The following OSBPL9 variants were observed in gnomAD, a reference collection of about 807,000 sequenced individuals.
OSBPL9 encodes the protein oxysterol-binding protein-related protein 9.
A neutral mutation model predicts 106.6 loss-of-function variants in OSBPL9; 40 were observed. That is an observed-to-expected ratio of 0.38 (90% CI 0.29 to 0.49). The LOEUF (loss-of-function observed/expected upper bound fraction) is 0.49, where lower values mean the gene tolerates loss of function less well. OSBPL9 is among the 20% of genes least tolerant of loss of function. The pLI is 0.97. For synonymous variants in OSBPL9, 269 were observed against 295.4 expected, an observed-to-expected ratio of 0.91 and a Z score of 0.92; for missense variants, 609 against 887.2, an observed-to-expected ratio of 0.69 and a Z score of 3.98.
intron 1 of OSBPL9, among the ~76,000 whole-genome samples, chr1:51,587,318 T>TA (rs1406359372): frequency 6.6e-6 from 1 of 152,138 alleles, no homozygotes; most frequent in African/African-American, 2.4e-5. Flanking sequence ...TGAGCTGAGA[T>TA]CGTGCCACTG....
chr1:51,544,202 GAGA>G, the OSBPL9 span, among the ~76,000 whole-genome samples: 1 of 152,138 alleles, frequency 6.6e-6, no homozygotes, highest in Non-Finnish European at 1.5e-5. Context: ...TTTCATATGA[GAGA>G]AGATGTGAAG....
chr1:51,614,640 ATATT>A (rs957185676), upstream of OSBPL9, among the ~76,000 whole-genome samples: 6 of 151,874 alleles, frequency 4.0e-5, no homozygotes, highest in South Asian at 4.1e-4. Flanking sequence ...CTAAGAACTA[ATATT>A]TATTTATTTA....
At chr1:51,631,916 C>G (rs1204274204) in intron 1 of OSBPL9, among the ~76,000 whole-genome samples, 1 of 152,122 alleles carries the variant, frequency 6.6e-6, no homozygotes, top group Non-Finnish European at 1.5e-5. Context: ...AAAACATTAG[C>G]AGAGGTCTAC....
the OSBPL9 span, among the ~76,000 whole-genome samples, chr1:51,556,628 T>C: frequency 6.6e-6 from 1 of 151,802 alleles, no homozygotes; most frequent in Admixed American, 6.6e-5. Context: ...CTGCTAAAAA[T>C]ACAAAAAATT....
At chr1:51,559,444 C>T in the OSBPL9 span, among the ~76,000 whole-genome samples, 1 of 89,024 alleles carries the variant, frequency 1.1e-5, no homozygotes, top group Non-Finnish European at 3.1e-5. Flanking sequence ...CATACATACA[C>T]ACACACACAC....
At chr1:51,670,936 C>T (rs1649719067) in intron 3 of OSBPL9, among the ~76,000 whole-genome samples, 2 of 152,194 alleles carry the variant, frequency 1.3e-5, no homozygotes, top group Admixed American at 6.5e-5. Context: ...CTCTTCTCTG[C>T]AGTTACTAAG....
chr1:51,756,459 A>G (rs190198471), intron 9 of OSBPL9, 101 bp downstream of exon 9: 14 of 1,097,816 alleles, frequency 1.3e-5, no homozygotes, highest in Admixed American at 8.3e-5. Context: ...TTCAATGCCA[A>G]CTACTCACTG....
chr1:51,744,295 TAGG>T (rs1204834563), intron 4 of OSBPL9, among the ~76,000 whole-genome samples: 1 of 152,122 alleles, frequency 6.6e-6, no homozygotes, highest in East Asian at 1.9e-4. Flanking sequence ...GTACTAATAA[TAGG>T]AGGAGGAGGA....
At chr1:51,676,907 A>G (rs1651386022) in intron 3 of OSBPL9, among the ~76,000 whole-genome samples, 1 of 152,236 alleles carries the variant, frequency 6.6e-6, no homozygotes, top group Admixed American at 6.5e-5. Context: ...GGTAAAAACT[A>G]CTATTGCTAC....
intron 4 of OSBPL9, among the ~76,000 whole-genome samples, chr1:51,739,792 C>G (rs1666488875): frequency 6.6e-6 from 1 of 151,894 alleles, no homozygotes; most frequent in South Asian, 2.1e-4. Context: ...TAAATGTTTC[C>G]AAATTTTCAG....
intron 3 of OSBPL9, among the ~76,000 whole-genome samples, chr1:51,677,255 G>A (rs1408758641): frequency 6.6e-6 from 1 of 152,198 alleles, no homozygotes; most frequent in Non-Finnish European, 1.5e-5. Flanking sequence ...GAGAACCACA[G>A]GTCTGGATCC....
chr1:51,600,349 G>C (rs1476728087), intron 2 of OSBPL9, among the ~76,000 whole-genome samples: 1 of 152,106 alleles, frequency 6.6e-6, no homozygotes, highest in Non-Finnish European at 1.5e-5. Flanking sequence ...CTTACCAACT[G>C]CGTGATCCTG....
chr1:51,555,606 C>A, the OSBPL9 span, among the ~76,000 whole-genome samples: 11 of 152,096 alleles, frequency 7.2e-5, no homozygotes, highest in East Asian at 2.1e-3. Context: ...CTTGCTCTGT[C>A]GCCCAGGCTG....
intron 4 of OSBPL9, among the ~76,000 whole-genome samples, chr1:51,736,000 G>T (rs888292587): frequency 2.6e-5 from 4 of 152,024 alleles, no homozygotes; most frequent in East Asian, 1.9e-4. Context: ...ATTTTTCCAC[G>T]AATATTCTGA....
chr1:51,730,678 A>T (rs989806134), intron 4 of OSBPL9, among the ~76,000 whole-genome samples: 1 of 152,376 alleles, frequency 6.6e-6, no homozygotes, highest in Non-Finnish European at 1.5e-5. Flanking sequence ...TTTTGCTGAC[A>T]TTCATACTGT....
chr1:51,580,948 AT>A (rs1645218185), intron 1 of OSBPL9, among the ~76,000 whole-genome samples: 1 of 1,202 alleles, frequency 8.3e-4, no homozygotes, highest in Admixed American at 5.6e-3. Context: ...ATATATATAT[AT>A]ATATAACTTT....
In OSBPL9 at chr1:51,783,354, T is replaced by A. The variant is rs531613169; in HGVS notation, c.1514-561T>A. 2.0e-4 allele frequency among the ~76,000 whole-genome samples: 29 copies of A among 146,642 alleles called. 1 individual carries two copies. The highest frequency in any genetic ancestry group is 4.7e-4 in the Admixed American group (7 of 14,778). Reference sequence around the variant, plus strand: ...CACACCCAACTAATTTTCTTATTTTTTTTTTTTTTTTTTTAGAGTCAGTGT... The same window carrying A: ...CACACCCAACTAATTTTCTTATTTTATTTTTTTTTTTTTTAGAGTCAGTGT... On this transcript the variant is annotated intron_variant, in intron 17 of 23. Coordinates refer to ENST00000428468, the MANE Select transcript of OSBPL9 (RefSeq NM_024586.6).
At chr1:51,644,796 C>T (rs1475839523) in intron 1 of OSBPL9, among the ~76,000 whole-genome samples, 3 of 152,176 alleles carry the variant, frequency 2.0e-5, no homozygotes, top group Non-Finnish European at 4.4e-5. Context: ...CTTCACTTTA[C>T]TCGGTCCTCT....
intron 2 of OSBPL9, among the ~76,000 whole-genome samples, chr1:51,601,590 C>G (rs1645325431): frequency 6.6e-6 from 1 of 152,202 alleles, no homozygotes; most frequent in Non-Finnish European, 1.5e-5. Flanking sequence ...AATATTCTTC[C>G]CCTCTTCATT....
Sources: allele counts gnomAD v4.1 joint callset (sites outside exome capture counted in the v4.1 genomes callset), GRCh38; gene constraint gnomAD v4.1.1; transcripts MANE v1.5; gene names NCBI Gene and HGNC (gene_info 2026-07-23, HGNC 2026-07-21).